The following DLG1 variants were observed in gnomAD, a reference collection of about 807,000 sequenced individuals.
DLG1 encodes disks large homolog 1.
Under a neutral mutation model 123.4 loss-of-function variants are expected in DLG1, and 42 were observed. The observed-to-expected ratio is 0.34, with a 90% CI of 0.27 to 0.44. The LOEUF (loss-of-function observed/expected upper bound fraction) is 0.44. DLG1 is among the 20% of genes least tolerant of loss of function. DLG1 has a pLI of 1.00. For missense variants in DLG1, 942 were observed against 1,082.6 expected, an observed-to-expected ratio of 0.87 and a Z score of 1.82; for synonymous variants, 317 against 356.2, an observed-to-expected ratio of 0.89 and a Z score of 1.24.
At chr3:197,215,751 TG>T (rs1184826563) in intron 4 of DLG1, among the ~76,000 whole-genome samples, 1 of 152,176 alleles carries the variant, frequency 6.6e-6, no homozygotes, top group African/African-American at 2.4e-5. Context: ...GTTCAGGAAT[TG>T]TTTTTTAAAA....
At chr3:197,238,814 T>C (rs1747360030) in intron 4 of DLG1, among the ~76,000 whole-genome samples, 1 of 152,170 alleles carries the variant, frequency 6.6e-6, no homozygotes, top group South Asian at 2.1e-4. Context: ...TAACAAAATT[T>C]ATGGTATAAA....
chr3:197,296,951 G>GT (rs1196412754), intron 2 of DLG1: 4 of 502,702 alleles, frequency 8.0e-6, no homozygotes, highest in Non-Finnish European at 1.4e-5. Context: ...AAGGACATCT[G>GT]TTGGGGGGGG....
chr3:197,191,224 T>C (rs1485957699), intron 5 of DLG1, among the ~76,000 whole-genome samples: 1 of 152,112 alleles, frequency 6.6e-6, no homozygotes, highest in Non-Finnish European at 1.5e-5. Flanking sequence ...CACCCTTGCA[T>C]AAGGGAAACG....
intron 5 of DLG1, 108 bp from the exon 6 acceptor site, chr3:197,149,904 T>TA: frequency 1.5e-6 from 1 of 681,652 alleles, no homozygotes; most frequent in Non-Finnish European, 2.6e-6. Flanking sequence ...AGTTATAATC[T>TA]TATATGAGCT....
intron 4 of DLG1, among the ~76,000 whole-genome samples, chr3:197,270,321 T>A (rs1763397064): frequency 6.6e-6 from 1 of 152,118 alleles, no homozygotes; most frequent in Non-Finnish European, 1.5e-5. Flanking sequence ...AAACATTTAG[T>A]AAATAAAAAT....
chr3:197,124,597 T>C (rs781144257), intron 11 of DLG1, among the ~76,000 whole-genome samples: 1 of 151,512 alleles, frequency 6.6e-6, no homozygotes, highest in East Asian at 1.9e-4. Context: ...ATGGGTCTCA[T>C]TATGTTGCCC....
At chr3:197,245,271 G>T (rs2150782289) in intron 4 of DLG1, among the ~76,000 whole-genome samples, 1 of 152,156 alleles carries the variant, frequency 6.6e-6, no homozygotes, top group East Asian at 1.9e-4. Context: ...CCAAACTTGG[G>T]TATAACATTT....
In DLG1 at chr3:197,085,743, A is replaced by T. The variant is rs766668748; in HGVS notation, c.1675T>A (p.Tyr559Asn). The T allele has an allele frequency of 6.2e-7, 1 of 1,613,270 alleles. No homozygotes were observed. The highest frequency in any genetic ancestry group is 8.5e-7 in the Non-Finnish European group (1 of 1,179,780). ...AGCCCACTGTCTTTAGTCTTGTCAT[A>T]ATCAAAAAGGGCTCTAGAGTCAGAA... Reference protein sequence around the residue: ...RSLYVRALFDYDKTKDSGLPS... With the variant: ...RSLYVRALFDNDKTKDSGLPS... The change falls in exon 16 of 25, where the codon TAT (tyrosine) becomes AAT (asparagine). Residue 559 changes from tyrosine to asparagine, a missense_variant. Coordinates refer to ENST00000667157, the MANE Select transcript of DLG1 (RefSeq NM_001366207.1).
chr3:197,085,859 T>C (rs575475931), intron 15 of DLG1, 103 bp from the exon 16 acceptor site: 19 of 1,066,492 alleles, frequency 1.8e-5, no homozygotes, highest in African/African-American at 1.1e-4. Context: ...AAATATATCA[T>C]AGTAGGCCAA....
chr3:197,044,394 C>A lies in DLG1; in HGVS notation c.*229G>T, dbSNP rs745551660. ...CCCACGTTCTTAATAGCTGGTCAGG[C>A]CATTCCATCTTCAGTTCTGAAAAAT... On this transcript the variant is annotated 3_prime_UTR_variant, in exon 25 of 25. Coordinates refer to ENST00000667157, the MANE Select transcript of DLG1 (RefSeq NM_001366207.1). The A allele has an allele frequency of 1.2e-4, 43 of 356,840 alleles. No homozygotes were observed. Among genetic ancestry groups the A allele is most frequent in the Admixed American group, 3.7e-4 (8 of 21,730 alleles). The allele number at this position is 356,840 out of a possible 1,614,324, so 22.1% of individuals were successfully genotyped here.
At chr3:197,142,459 GA>G (rs1788512849) in intron 7 of DLG1, among the ~76,000 whole-genome samples, 1 of 152,148 alleles carries the variant, frequency 6.6e-6, no homozygotes, top group Admixed American at 6.5e-5. Flanking sequence ...GCTGAATCCA[GA>G]GTAAATGGAA....
chr3:197,203,108 T>A (rs1352164766), intron 4 of DLG1, among the ~76,000 whole-genome samples: 1 of 152,066 alleles, frequency 6.6e-6, no homozygotes, highest in Non-Finnish European at 1.5e-5. Flanking sequence ...CAAAAAATTT[T>A]AAAAATTAGC....
At chr3:197,280,511 A>C (rs9848189) in intron 4 of DLG1, among the ~76,000 whole-genome samples, 25,973 of 152,046 alleles carry the variant, frequency 0.17, 2,577 homozygotes, top group African/African-American at 0.27. Flanking sequence ...GATACCCACT[A>C]ATGGGATTGC....
At chr3:197,072,683 AAAAAAAAAAAACAAAAAAAC>A (rs1240069378) in intron 18 of DLG1, among the ~76,000 whole-genome samples, 2 of 135,704 alleles carry the variant, frequency 1.5e-5, no homozygotes, top group Non-Finnish European at 3.3e-5. Context: ...ATTGTCTTAA[AAAAAAAAAAAACAAAAAAAC>A]AAAAAAAAAA....
intron 5 of DLG1, chr3:197,183,878 G>T: frequency 6.7e-7 from 1 of 1,495,808 alleles, no homozygotes; most frequent in Non-Finnish European, 8.9e-7. Flanking sequence ...TGAATGATCG[G>T]TAAAAACTGC....
At chr3:197,169,287 T>C (rs549570606) in intron 5 of DLG1, among the ~76,000 whole-genome samples, 4 of 152,340 alleles carry the variant, frequency 2.6e-5, no homozygotes, top group South Asian at 4.1e-4. Flanking sequence ...GTGGTTTTCA[T>C]TATGTGCATA....
At chr3:197,281,509 T>A (rs924819766) in intron 4 of DLG1, among the ~76,000 whole-genome samples, 8 of 152,048 alleles carry the variant, frequency 5.3e-5, no homozygotes, top group Non-Finnish European at 1.0e-4. Context: ...ATTTTAAAAA[T>A]CCATTTGAAA....
At chr3:197,237,411 T>C (rs1037697554) in intron 4 of DLG1, among the ~76,000 whole-genome samples, 4 of 152,104 alleles carry the variant, frequency 2.6e-5, no homozygotes, top group Admixed American at 2.0e-4. Flanking sequence ...GAGACACCAA[T>C]AGAAGCTCTT....
chr3:197,268,515 G>A (rs543209474), intron 4 of DLG1, among the ~76,000 whole-genome samples: 1 of 151,960 alleles, frequency 6.6e-6, no homozygotes, highest in Non-Finnish European at 1.5e-5. Context: ...GACCTCCTGG[G>A]CTCAAGCAAT....
Sources: allele counts gnomAD v4.1 joint callset (sites outside exome capture counted in the v4.1 genomes callset), GRCh38; gene constraint gnomAD v4.1.1; transcripts MANE v1.5; gene names NCBI Gene and HGNC (gene_info 2026-07-23, HGNC 2026-07-21).